MED24: variants seen among roughly 807,000 people sequenced by gnomAD.
MED24 encodes the protein mediator of RNA polymerase II transcription subunit 24.
A neutral mutation model predicts 118.8 loss-of-function variants in MED24; 74 were observed. The ratio of observed to expected loss-of-function variants is 0.62; its 90% CI spans 0.52 to 0.76. MED24 has a LOEUF of 0.76. Ranked by LOEUF, MED24 falls within the 30% of genes least tolerant of loss-of-function variation. The probability of loss-of-function intolerance (pLI) is 0.00; values close to 1 mark genes in which losing one functional copy is unlikely to be tolerated. For missense variants in MED24, 1,041 were observed against 1,278.9 expected (o/e 0.81, Z 2.84); for synonymous variants, 521 against 523.9 (o/e 0.99, Z 0.08).
Position 40,032,756 on chromosome 17 carries a change from G to C in MED24, c.829C>G (p.Pro277Ala). 6.2e-7 allele frequency: 1 copy of C among 1,613,488 alleles called. No homozygotes were observed. Among genetic ancestry groups the C allele is most frequent in the African/African-American group, 1.3e-5 (1 of 75,024 alleles). ...LTMVKRMQHI[P>A]TPLFVLEIWK... ...ATCTCCAGGACAAAAAGTGGGGTGG[G>C]GATATGCTGTGGGAAGAGCCAAGGA... The change falls in exon 9 of 26, where the codon CCC (proline) becomes GCC (alanine). Residue 277 changes from proline (P) to alanine (A), a missense_variant. Pro to Ala is a conservative substitution (Grantham distance 27). Transcript: ENST00000394128.
intron 9 of MED24, chr17:40,032,309 CG>C: frequency 3.4e-6 from 2 of 590,910 alleles, no homozygotes; most frequent in South Asian, 4.3e-5. Flanking sequence ...CCTGCACCTC[CG>C]CTAGCTCAAC....
Position 40,053,462 on chromosome 17 carries a change from T to G in MED24, c.130+7A>C, listed in dbSNP as rs759630627. 2.9e-5 allele frequency: 47 copies of G among 1,614,184 alleles called. No homozygotes were observed. Among genetic ancestry groups the G allele is most frequent in the Non-Finnish European group, 2.9e-5 (34 of 1,180,016 alleles). On this transcript the variant is annotated splice_region_variant and intron_variant, in intron 2 of 25. Coordinates refer to ENST00000394128, the MANE Select transcript of MED24 (RefSeq NM_014815.4). Reference sequence around the variant, plus strand: ...CTCCCATCTTTCTTTCCCAGTTCACTTGAGACCTGCCAGGTTGAGAATATC... The same window carrying G: ...CTCCCATCTTTCTTTCCCAGTTCACGTGAGACCTGCCAGGTTGAGAATATC...
At chr17:40,047,383 C>T (rs1985343668) in intron 3 of MED24, among the ~76,000 whole-genome samples, 2 of 151,896 alleles carry the variant, frequency 1.3e-5, no homozygotes, top group Admixed American at 1.3e-4. Context: ...CTAAATAGGC[C>T]AGGCGTGGTG....
At chr17:40,020,048 C>A in intron 24 of MED24, 115 bp from the exon 25 acceptor site, 3 of 1,292,566 alleles carry the variant, frequency 2.3e-6, no homozygotes, top group Non-Finnish European at 3.3e-6. Context: ...AGCATGTCCC[C>A]AAAATGGGGT....
chr17:40,037,634 A>G (rs28702999), intron 3 of MED24, among the ~76,000 whole-genome samples: 8,248 of 152,116 alleles, frequency 0.054, 768 homozygotes, highest in African/African-American at 0.19. Context: ...AAATTTGGCC[A>G]GGTGTGGTGG....
chr17:40,026,278 C>T lies in MED24; in HGVS notation c.1863G>A (p.Val621=). 1 of 1,614,220 alleles carries T rather than the reference C, an allele frequency of 6.2e-7. No homozygotes were observed. Among genetic ancestry groups the T allele is most frequent in the Non-Finnish European group, 8.5e-7 (1 of 1,180,050 alleles). The part of the protein sequence containing the change: ...GKVCSLAVCA[V]AWLVAHVRML... Reference sequence around the variant, plus strand: ...TCCGGACGTGGGCCACAAGCCAAGCCACAGCACACACCGCCAGACTGCATA... The same window carrying T: ...TCCGGACGTGGGCCACAAGCCAAGCTACAGCACACACCGCCAGACTGCATA... Residue 621 remains valine (V), a synonymous_variant, in exon 19 of 26, where the codon GTG becomes GTA. Coordinates refer to ENST00000394128, the MANE Select transcript of MED24 (RefSeq NM_014815.4).
intron 1 of MED24, 43 bp from the exon 2 acceptor site, chr17:40,053,678 T>G: frequency 6.2e-7 from 1 of 1,606,704 alleles, no homozygotes; most frequent in Non-Finnish European, 8.5e-7. Flanking sequence ...GGACATGAGG[T>G]TCTAAGGAGA....
At chr17:40,049,169 CG>C (rs1187612011) in intron 3 of MED24, among the ~76,000 whole-genome samples, 2 of 151,608 alleles carry the variant, frequency 1.3e-5, no homozygotes, top group African/African-American at 4.9e-5. Flanking sequence ...AGTGAGACCC[CG>C]TTTCCACAAA....
chr17:40,023,044 T>G (rs1982225645), intron 20 of MED24, 87 bp downstream of exon 20: 1 of 1,524,876 alleles, frequency 6.6e-7, no homozygotes, highest in Non-Finnish European at 8.9e-7. Flanking sequence ...CACGGCAGCC[T>G]CTCAGGGAAG....
Position 40,035,347 on chromosome 17 carries a change from C to T in MED24, c.329G>A (p.Cys110Tyr). The change falls in exon 6 of 26, where the codon TGT (cysteine) becomes TAT (tyrosine). Residue 110 changes from cysteine to tyrosine, a missense_variant and splice_region_variant. Cys to Tyr is a radical substitution (Grantham distance 194). This residue lies in a region of MED24 where 434 missense variants were observed against 514.9 expected (regional missense o/e 0.84). Coordinates refer to ENST00000394128, the MANE Select transcript of MED24 (RefSeq NM_014815.4). ...GATGCATTCCTCTGCTTTGCCGTGA[C>T]AGCTACAGGGAAGGATGCAAAATCA... ...IMDMFCDRLS[C>Y]HGKAEECIGL... 6.3e-7 allele frequency: 1 copy of T among 1,581,076 alleles called. No individual in the cohort carries two copies. Among genetic ancestry groups the T allele is most frequent in the Non-Finnish European group, 8.6e-7 (1 of 1,159,296 alleles).
intron 19 of MED24, among the ~76,000 whole-genome samples, chr17:40,024,021 T>C (rs1982359821): frequency 6.6e-6 from 1 of 152,122 alleles, no homozygotes; most frequent in Non-Finnish European, 1.5e-5. Flanking sequence ...ACCTGCACAA[T>C]GGAGCCACAG....
Position 40,026,689 on chromosome 17 carries a change from G to A in MED24, c.1767C>T (p.Leu589=), listed in dbSNP as rs972605478. 3.1e-6 allele frequency: 5 copies of A among 1,612,426 alleles called. No homozygotes were observed. The highest frequency in any genetic ancestry group is 3.4e-6 in the Non-Finnish European group (4 of 1,179,290). ...CCAGGACCCCATTCTCCCAGGCATTGAGGATTTCCAAGATGGCGGCTGAGA... is the reference window on the plus strand; with the variant it reads ...CCAGGACCCCATTCTCCCAGGCATTAAGGATTTCCAAGATGGCGGCTGAGA... ...LSISAAILEI[L]NAWENGVLAF... Residue 589 remains leucine (L), a synonymous_variant, in exon 18 of 26, where the codon CTC becomes CTT. Transcript: ENST00000394128.
chr17:40,045,026 A>G (rs933243374), intron 3 of MED24, among the ~76,000 whole-genome samples: 1 of 152,208 alleles, frequency 6.6e-6, no homozygotes, highest in African/African-American at 2.4e-5. Flanking sequence ...TATTCTTCAA[A>G]TCAGATATTC....
Position 40,035,101 on chromosome 17 carries a change from G to A in MED24, c.559+16C>T. 1 of 1,613,380 alleles carries A rather than the reference G, an allele frequency of 6.2e-7. No individual in the cohort carries two copies. Among genetic ancestry groups the A allele is most frequent in the Non-Finnish European group, 8.5e-7 (1 of 1,179,354 alleles). ...GAGCAGCGGCAGGTGGGGCTCAGGG[G>A]AATCAAGGGACATACAGGCCTCCTC... On this transcript the variant is annotated intron_variant, in intron 6 of 25. Coordinates refer to ENST00000394128, the MANE Select transcript of MED24 (RefSeq NM_014815.4).
At chr17:40,024,741 T>G (rs1485590795) in intron 19 of MED24, among the ~76,000 whole-genome samples, 1 of 152,132 alleles carries the variant, frequency 6.6e-6, no homozygotes, top group Non-Finnish European at 1.5e-5. Context: ...CTTTTGTTTT[T>G]GTTTTGTTTT....
Position 40,020,140 on chromosome 17 carries a change from CAAT to C in MED24, c.2704+130_2704+132del, listed in dbSNP as rs781720111. The C allele has an allele frequency of 1.3e-3, 1,350 of 1,072,724 alleles. 1 individual carries two copies. Among genetic ancestry groups the C allele is most frequent in the Non-Finnish European group, 1.6e-3 (1,185 of 739,302 alleles). 66.5% of individuals were successfully genotyped at this position (1,072,724 alleles called of 1,614,324 possible). ...GGAGCCTGGGGGCCAGGACAGCCAA[CAAT>C]GAGGGGCATGGAGAGGGAAGGGAGG... On this transcript the variant is annotated intron_variant, in intron 24 of 25. Transcript: ENST00000394128.
chr17:40,035,467 CA>C, intron 5 of MED24, 118 bp from the exon 6 acceptor site: 3 of 1,171,194 alleles, frequency 2.6e-6, no homozygotes, highest in Non-Finnish European at 3.5e-6. Flanking sequence ...GAGAAGCTAG[CA>C]AAGTCCTGGG....
At chr17:40,031,338 T>A in intron 11 of MED24, 93 bp from the exon 12 acceptor site, 1 of 1,342,224 alleles carries the variant, frequency 7.5e-7, no homozygotes, top group Non-Finnish European at 1.0e-6. Context: ...CCTCCCTCTT[T>A]CAGGATGAGG....
intron 10 of MED24, 101 bp downstream of exon 10, chr17:40,031,942 C>T: frequency 1.5e-6 from 2 of 1,345,496 alleles, no homozygotes; most frequent in South Asian, 2.5e-5. Context: ...TCACATCCGG[C>T]TCTCTTCCAG....
Sources: allele counts gnomAD v4.1 joint callset (sites outside exome capture counted in the v4.1 genomes callset), GRCh38; gene constraint gnomAD v4.1.1; regional missense constraint gnomAD v4.1.1; transcripts MANE v1.5; gene names NCBI Gene and HGNC (gene_info 2026-07-23, HGNC 2026-07-21).